GCFC2: variants seen among roughly 807,000 people sequenced by gnomAD.
The protein encoded by GCFC2 is GC-rich sequence DNA-binding factor 2.
In GCFC2, 102 loss-of-function variants were observed where a neutral mutation model predicts 99.4. The ratio of observed to expected loss-of-function variants is 1.03; its 90% CI spans 0.87 to 1.21. The LOEUF (loss-of-function observed/expected upper bound fraction) is 1.21. Among genes scored for constraint, GCFC2 ranks in the 50% most tolerant of loss-of-function variants. The pLI, the probability that GCFC2 is intolerant of heterozygous loss-of-function variation, is 0.00. For synonymous variants in GCFC2, 338 were observed against 316.8 expected, an observed-to-expected ratio of 1.07 and a Z score of -0.71; for missense variants, 973 against 920.9, an observed-to-expected ratio of 1.06 and a Z score of -0.73.
rs559171671 is a variant in GCFC2, at chr2:75,663,422, A to G, written c.*1244T>C. ...AATTATCTTGCCTCTGTTTTATTAG[A>G]CAAATATTTTATCAGAAAATGAATC... On this transcript the variant is annotated 3_prime_UTR_variant, in exon 17 of 17. Transcript: ENST00000321027. 23 of 152,316 alleles carry G rather than the reference A, an allele frequency of 1.5e-4. No homozygotes were observed. The East Asian group carries it at 4.2e-3, about 28-fold the overall frequency. 9.4% of individuals were successfully genotyped at this position (152,316 alleles called of 1,614,324 possible). A position where few individuals can be genotyped will look rare whatever the true frequency, so the allele number is the denominator to read the frequency against.
intron 2 of GCFC2, among the ~76,000 whole-genome samples, chr2:75,705,616 CAAAAAAAAA>C (rs34447327): frequency 1.2e-5 from 1 of 84,340 alleles, no homozygotes; most frequent in South Asian, 5.0e-4. Context: ...GACTCCATCT[CAAAAAAAAA>C]AAAAAAAAAA....
At chr2:75,703,251 C>T (rs568710464) in intron 2 of GCFC2, among the ~76,000 whole-genome samples, 5 of 152,206 alleles carry the variant, frequency 3.3e-5, no homozygotes, top group East Asian at 1.9e-4. Context: ...GAAATTTTCA[C>T]CATTTTAAGC....
At chr2:75,712,576 C>G (rs754921436), upstream of GCFC2, among the ~76,000 whole-genome samples, 3 of 152,156 alleles carry the variant, frequency 2.0e-5, no homozygotes, top group African/African-American at 7.2e-5. Flanking sequence ...CAACCCGCTC[C>G]GGTCCCCTTC....
chr2:75,689,317 T>G, intron 9 of GCFC2, 92 bp from the exon 10 acceptor site: 1 of 640,656 alleles, frequency 1.6e-6, no homozygotes, highest in Non-Finnish European at 2.7e-6. Flanking sequence ...TGTAATCAAT[T>G]GAGCTAAAAT....
At chr2:75,670,578 G>T (rs958288285) in intron 14 of GCFC2, 4 of 230,322 alleles carry the variant, frequency 1.7e-5, no homozygotes, top group African/African-American at 8.9e-5. Flanking sequence ...TTCTCTCAAA[G>T]CCGGGGGCCA....
intron 6 of GCFC2, 55 bp downstream of exon 6, chr2:75,694,186 G>T: frequency 2.1e-6 from 1 of 481,142 alleles, no homozygotes. Context: ...TTTCTTAATT[G>T]CACAAGGGGT....
At chr2:75,667,624 T>C (rs924879898) in intron 15 of GCFC2, among the ~76,000 whole-genome samples, 7 of 152,220 alleles carry the variant, frequency 4.6e-5, no homozygotes, top group African/African-American at 1.2e-4. Context: ...CCCTTTACTA[T>C]TGAATGTCAT....
chr2:75,704,571 A>G (rs1297265006), intron 2 of GCFC2, among the ~76,000 whole-genome samples: 2 of 152,362 alleles, frequency 1.3e-5, no homozygotes, highest in Middle Eastern at 3.4e-3. Context: ...CTCAACTACT[A>G]TAATCATTTA....
At chr2:75,679,246 A>ATTC (rs1281507711) in intron 12 of GCFC2, among the ~76,000 whole-genome samples, 2 of 152,152 alleles carry the variant, frequency 1.3e-5, no homozygotes, top group African/African-American at 4.8e-5. Context: ...TTGTAATCAC[A>ATTC]GTTCCAAGGG....
chr2:75,688,625 C>T (rs1217440852), intron 10 of GCFC2, among the ~76,000 whole-genome samples: 1 of 152,082 alleles, frequency 6.6e-6, no homozygotes, highest in Non-Finnish European at 1.5e-5. Context: ...ACCCCATAAA[C>T]TCTTCAAAGG....
At chr2:75,673,331 C>CA (rs910375239) in intron 13 of GCFC2, 113 bp downstream of exon 13, 24 of 645,426 alleles carry the variant, frequency 3.7e-5, no homozygotes, top group Non-Finnish European at 5.9e-5. Flanking sequence ...AAAAGAAACA[C>CA]AAAAAACAAA....
intron 15 of GCFC2, among the ~76,000 whole-genome samples, chr2:75,667,241 C>T (rs1006158819): frequency 5.3e-5 from 8 of 151,994 alleles, no homozygotes; most frequent in African/African-American, 1.2e-4. Flanking sequence ...GTTATAGTAA[C>T]GGGTTCTTGG....
At chr2:75,707,601 T>C (rs1486348976) in intron 1 of GCFC2, among the ~76,000 whole-genome samples, 1 of 152,210 alleles carries the variant, frequency 6.6e-6, no homozygotes, top group Non-Finnish European at 1.5e-5. Flanking sequence ...TTCTTAGATA[T>C]TGTCATTTAT....
rs1237377803 is a variant in GCFC2 at position 75,662,884 on chromosome 2, TAA to T, written c.*1780_*1781del. The T allele has an allele frequency of 2.3e-5, 3 of 130,016 alleles. No individual in the cohort carries two copies. The highest frequency in any genetic ancestry group is 9.1e-5 in the African/African-American group (3 of 32,868). 8.1% of individuals were successfully genotyped at this position (130,016 alleles called of 1,614,324 possible). A position where few individuals can be genotyped will look rare whatever the true frequency, so the allele number is the denominator to read the frequency against. On this transcript the variant is annotated 3_prime_UTR_variant, in exon 17 of 17. Coordinates refer to ENST00000321027, the MANE Select transcript of GCFC2 (RefSeq NM_003203.5). The stretch of plus-strand genomic sequence containing the variant: ...AAAAAATTACAAATTTCATGTGCAA[TAA>T]AGTGTCTGCCACTTACGTAAAAAAA...
At chr2:75,699,813 G>A (rs1180522859) in intron 4 of GCFC2, among the ~76,000 whole-genome samples, 2 of 152,050 alleles carry the variant, frequency 1.3e-5, no homozygotes, top group African/African-American at 4.8e-5. Context: ...CTGGGCTGAA[G>A]TGATCCTTCC....
chr2:75,690,818 G>T, intron 7 of GCFC2, 99 bp from the exon 8 acceptor site: 1 of 659,316 alleles, frequency 1.5e-6, no homozygotes, highest in Non-Finnish European at 2.7e-6. Flanking sequence ...ATAAACATAT[G>T]CATATGTAAA....
intron 1 of GCFC2, among the ~76,000 whole-genome samples, chr2:75,707,500 CTTAG>C (rs1320893923): frequency 6.6e-6 from 1 of 151,964 alleles, no homozygotes; most frequent in African/African-American, 2.4e-5. Context: ...AATTTTCTAC[CTTAG>C]TTAGAAGACC....
chr2:75,679,245 C>T (rs1444027159), intron 12 of GCFC2, among the ~76,000 whole-genome samples: 4 of 152,152 alleles, frequency 2.6e-5, no homozygotes, highest in Admixed American at 6.5e-5. Context: ...TTTGTAATCA[C>T]AGTTCCAAGG....
In GCFC2 at chr2:75,673,445, T is replaced by C. The variant is rs1573047532; in HGVS notation, c.1888A>G (p.Ser630Gly). ...AATCTAGAAATTAACAGCGCTTACC[T>C]CTTTGGATACAGAGGAATAAAAACA... ...DDVFIPLYPK[S>G]AVENKTSPHS... The change falls in exon 13 of 17, where the codon AGT becomes GGT. Residue 630 changes from serine (S) to glycine (G), a missense_variant and splice_region_variant. Transcript: ENST00000321027. 3 of 1,324,026 alleles carry C rather than the reference T, an allele frequency of 2.3e-6. No individual in the cohort carries two copies. The highest frequency in any genetic ancestry group is 2.3e-5 in the East Asian group (1 of 43,552). The allele number at this position is 1,324,026 out of a possible 1,614,324, so 82.0% of individuals were successfully genotyped here. A position where few individuals can be genotyped will look rare whatever the true frequency, so the allele number is the denominator to read the frequency against.
Sources: gnomAD v4.1 joint callset for allele counts (sites outside exome capture counted in the v4.1 genomes callset) on GRCh38, gnomAD v4.1.1 for gene constraint, MANE v1.5 for transcripts, NCBI Gene and HGNC (gene_info 2026-07-23, HGNC 2026-07-21) for gene names.